RAB2A: variants seen among roughly 807,000 people sequenced by gnomAD.
The protein encoded by RAB2A is RAB2A, member RAS oncogene family, also known as ras-related protein Rab-2A.
Under a neutral mutation model 32.5 loss-of-function variants are expected in RAB2A, and 7 were observed. The ratio of observed to expected loss-of-function variants is 0.22; its 90% CI spans 0.12 to 0.40. RAB2A has a LOEUF of 0.40. Among genes scored for constraint, RAB2A ranks in the 10% least tolerant of loss-of-function variants. The pLI is 1.00. For synonymous variants in RAB2A, 79 were observed against 85.2 expected, an observed-to-expected ratio of 0.93 and a Z score of 0.40; for missense variants, 108 against 260.7, an observed-to-expected ratio of 0.41 and a Z score of 4.03.
chr8:60,533,941 C>T (rs184084386), intron 1 of RAB2A, among the ~76,000 whole-genome samples: 128 of 152,002 alleles, frequency 8.4e-4, no homozygotes, highest in African/African-American at 2.9e-3. Flanking sequence ...CCAGCCTGGG[C>T]GACAGAGCAA....
chr8:60,579,988 A>G (rs1280703275), intron 3 of RAB2A, among the ~76,000 whole-genome samples: 1 of 139,626 alleles, frequency 7.2e-6, no homozygotes, highest in Non-Finnish European at 1.5e-5. Flanking sequence ...GGATAGGTAT[A>G]TATTAAAGCA....
intron 3 of RAB2A, among the ~76,000 whole-genome samples, chr8:60,575,611 T>G (rs1419050752): frequency 6.6e-6 from 1 of 151,840 alleles, no homozygotes; most frequent in African/African-American, 2.4e-5. Flanking sequence ...TTTATCAGCC[T>G]TATAGAAATG....
At chr8:60,599,770 C>G (rs568828708) in intron 6 of RAB2A, among the ~76,000 whole-genome samples, 8 of 151,516 alleles carry the variant, frequency 5.3e-5, no homozygotes, top group Non-Finnish European at 1.2e-4. Flanking sequence ...AAAACTAACA[C>G]AAAATCCTGG....
At chr8:60,551,956 C>T (rs1475233471) in intron 1 of RAB2A, 2 of 138,958 alleles carry the variant, frequency 1.4e-5, no homozygotes, top group Admixed American at 7.6e-5. Flanking sequence ...TTCCACTTCT[C>T]GGGTTTAAGC....
rs903083277 is a variant in RAB2A, at chr8:60,623,043, C to T, written c.*2274C>T. On this transcript the variant is annotated 3_prime_UTR_variant, in exon 8 of 8. Transcript: ENST00000262646. ...GATCAGTTTTTATAGCATCTATGGA[C>T]ATAGAAAATCAGTCACTGAAAAAAA... 6.6e-6 allele frequency: 1 copy of T among 152,048 alleles called. No homozygotes were observed. Among genetic ancestry groups the T allele is most frequent in the African/African-American group, 2.4e-5 (1 of 41,388 alleles). 9.4% of individuals were successfully genotyped at this position (152,048 alleles called of 1,614,324 possible).
intron 1 of RAB2A, chr8:60,552,001 G>GTTTTTTTTGTTT (rs1554553377): frequency 1.8e-5 from 2 of 109,752 alleles, no homozygotes; most frequent in African/African-American, 7.3e-5. Context: ...GTAGCTGGGA[G>GTTTTTTTTGTTT]TTTTTTTTTT....
At chr8:60,572,225 C>A in intron 3 of RAB2A, 112 bp downstream of exon 3, 1 of 769,084 alleles carries the variant, frequency 1.3e-6, no homozygotes, top group Non-Finnish European at 2.0e-6. Context: ...TAGACACTGA[C>A]TTCCTGCAGC....
At chr8:60,535,742 C>G (rs1807546814) in intron 1 of RAB2A, among the ~76,000 whole-genome samples, 1 of 152,186 alleles carries the variant, frequency 6.6e-6, no homozygotes, top group African/African-American at 2.4e-5. Context: ...TTGCTGTTAT[C>G]AATACGGCCT....
At position 60,534,260 on chromosome 8, in the gene RAB2A, C is replaced by T. The variant is rs186896675; in HGVS notation, c.46+17007C>T. 3.3e-5 allele frequency among the ~76,000 whole-genome samples: 5 copies of T among 152,238 alleles called. No individual in the cohort carries two copies. The East Asian group carries it at 7.7e-4, about 23-fold the overall frequency. ...GTTGTGACATTCATATATGTTCTCGCGGTAATCTTAGTAGGTAGCTGCTAA... is the reference window on the plus strand; with the variant it reads ...GTTGTGACATTCATATATGTTCTCGTGGTAATCTTAGTAGGTAGCTGCTAA... On this transcript the variant is annotated intron_variant, in intron 1 of 7. Coordinates refer to ENST00000262646, the MANE Select transcript of RAB2A (RefSeq NM_002865.3).
At chr8:60,517,309 G>A (rs1807221276) in intron 1 of RAB2A, 56 bp downstream of exon 1, 2 of 1,416,426 alleles carry the variant, frequency 1.4e-6, no homozygotes, top group Admixed American at 6.2e-5. Flanking sequence ...CCCGGGCTGA[G>A]GGGCAAACGG....
intron 1 of RAB2A, among the ~76,000 whole-genome samples, chr8:60,544,098 A>G (rs1202837308): frequency 6.9e-6 from 1 of 145,006 alleles, no homozygotes; most frequent in Non-Finnish European, 1.5e-5. Flanking sequence ...AATTGCAGAT[A>G]TTTTCAATTC....
rs1228429676 is a variant in RAB2A at position 60,623,273 on chromosome 8, C to T, written c.*2504C>T. 6.6e-6 allele frequency: 1 copy of T among 152,104 alleles called. No individual in the cohort carries two copies. The highest frequency in any genetic ancestry group is 1.9e-4 in the East Asian group (1 of 5,200). 9.4% of individuals were successfully genotyped at this position (152,104 alleles called of 1,614,324 possible). A position where few individuals can be genotyped will look rare whatever the true frequency, so the allele number is the denominator to read the frequency against. ...TGTTTTTAATGATATTTTAAAATAG[C>T]CTGTTAGCAGGAAAATAGTCCCTAT... On this transcript the variant is annotated 3_prime_UTR_variant, in exon 8 of 8. Coordinates refer to ENST00000262646, the MANE Select transcript of RAB2A (RefSeq NM_002865.3).
chr8:60,590,813 C>G (rs1307392741), intron 5 of RAB2A, among the ~76,000 whole-genome samples: 1 of 151,238 alleles, frequency 6.6e-6, no homozygotes, highest in Non-Finnish European at 1.5e-5. Context: ...GTAGCTACAT[C>G]TGAATTTTTA....
At chr8:60,617,313 C>T (rs1804462778) in intron 6 of RAB2A, among the ~76,000 whole-genome samples, 1 of 152,010 alleles carries the variant, frequency 6.6e-6, no homozygotes, top group African/African-American at 2.4e-5. Flanking sequence ...GAAGTTGAGC[C>T]GTCTTTTCTC....
intron 6 of RAB2A, among the ~76,000 whole-genome samples, chr8:60,607,105 C>T (rs1178245988): frequency 5.5e-5 from 8 of 144,804 alleles, no homozygotes; most frequent in African/African-American, 2.0e-4. Context: ...TTCTTTTTTT[C>T]GGGTCAATTG....
chr8:60,602,638 A>C (rs1804153316), intron 6 of RAB2A, among the ~76,000 whole-genome samples: 1 of 152,216 alleles, frequency 6.6e-6, no homozygotes, highest in East Asian at 1.9e-4. Context: ...TGCTGCTGAC[A>C]AATTACAATA....
intron 1 of RAB2A, among the ~76,000 whole-genome samples, chr8:60,551,414 T>A (rs1289870150): frequency 6.6e-6 from 1 of 152,256 alleles, no homozygotes; most frequent in Admixed American, 6.5e-5. Flanking sequence ...CTATTGATGG[T>A]AGCAACAAAC....
In RAB2A at chr8:60,618,593, C is replaced by A; in HGVS notation, c.488C>A (p.Thr163Lys). Residue 163 changes from threonine (T) to lysine (K), a missense_variant, in exon 7 of 8, where the codon ACA becomes AAA. Thr to Lys is a moderately conservative substitution (Grantham distance 78, BLOSUM62 -1). This residue lies in a region of RAB2A where 79 missense variants were observed against 199.8 expected (regional missense o/e 0.40). Coordinates refer to ENST00000262646, the MANE Select transcript of RAB2A (RefSeq NM_002865.3). ...ASNVEEAFIN[T>K]AKEIYEKIQE... ...TCTATATTTCAGGCATTTATTAATACAGCAAAAGAAATTTATGAAAAAATT... is the reference window on the plus strand; with the variant it reads ...TCTATATTTCAGGCATTTATTAATAAAGCAAAAGAAATTTATGAAAAAATT... The A allele has an allele frequency of 8.1e-7, 1 of 1,227,234 alleles. No homozygotes were observed. The highest frequency in any genetic ancestry group is 1.1e-6 in the Non-Finnish European group (1 of 916,948). The allele number at this position is 1,227,234 out of a possible 1,614,324, so 76.0% of individuals were successfully genotyped here.
Position 60,591,891 on chromosome 8 carries a change from A to G in RAB2A, c.396A>G (p.Glu132=). 1 of 1,612,642 alleles carries G rather than the reference A, an allele frequency of 6.2e-7. No individual in the cohort carries two copies. Among genetic ancestry groups the G allele is most frequent in the Non-Finnish European group, 8.5e-7 (1 of 1,178,946 alleles). Residue 132 remains glutamate (E), a synonymous_variant, in exon 6 of 8, where the codon GAA becomes GAG. Transcript: ENST00000262646. ...DLESRREVKK[E]EGEAFAREHG... ...AATCTAGAAGAGAAGTAAAAAAAGA[A>G]GAAGGTGAAGCTTTTGCACGAGAAC...
Sources: allele counts gnomAD v4.1 joint callset (sites outside exome capture counted in the v4.1 genomes callset), GRCh38; gene constraint gnomAD v4.1.1; regional missense constraint gnomAD v4.1.1; transcripts MANE v1.5; gene names NCBI Gene and HGNC (gene_info 2026-07-23, HGNC 2026-07-21).